SH3BGRL2: variants seen among roughly 807,000 people sequenced by gnomAD.
The protein encoded by SH3BGRL2 is SH3 domain binding glutamate rich protein like 2, also known as SH3 domain-binding glutamic acid-rich-like protein 2.
In SH3BGRL2, 21 loss-of-function variants were observed where a neutral mutation model predicts 14.8. The observed-to-expected ratio is 1.42, with a 90% CI of 1.01 to 2.05. SH3BGRL2 has a LOEUF of 2.05. Ranked by LOEUF, SH3BGRL2 falls within the 30% of genes most tolerant of loss-of-function variation. The pLI is 0.00. For synonymous variants in SH3BGRL2, 50 were observed against 47.8 expected, an observed-to-expected ratio of 1.05 and a Z score of -0.19; for missense variants, 147 against 130.8, an observed-to-expected ratio of 1.12 and a Z score of -0.61.
At chr6:79,551,999 A>C in the SH3BGRL2 span, among the ~76,000 whole-genome samples, 2 of 152,142 alleles carry the variant, frequency 1.3e-5, no homozygotes, top group African/African-American at 4.8e-5. Context: ...GCTGAGGCAC[A>C]AAATCGCTTG....
At chr6:79,553,392 G>C in the SH3BGRL2 span, among the ~76,000 whole-genome samples, 1 of 152,170 alleles carries the variant, frequency 6.6e-6, no homozygotes, top group Non-Finnish European at 1.5e-5. Context: ...CAGATAACTG[G>C]ATATAGAAGA....
At chr6:79,601,456 A>G in the SH3BGRL2 span, among the ~76,000 whole-genome samples, 4,831 of 152,304 alleles carry the variant, frequency 0.032, 134 homozygotes, top group Non-Finnish European at 0.049. Flanking sequence ...TTAGCCTCCC[A>G]AAGTGCTGTG....
At chr6:79,685,742 A>G (rs1021375422) in intron 2 of SH3BGRL2, among the ~76,000 whole-genome samples, 1 of 152,140 alleles carries the variant, frequency 6.6e-6, no homozygotes, top group Admixed American at 6.5e-5. Flanking sequence ...GTGAGCAGCC[A>G]TAGATAGAGG....
At position 79,696,482 on chromosome 6, in the gene SH3BGRL2, T is replaced by C. The variant is rs1770334431; in HGVS notation, c.232-3T>C. 2 of 1,569,136 alleles carry C rather than the reference T, an allele frequency of 1.3e-6. No homozygotes were observed. Among genetic ancestry groups the C allele is most frequent in the Non-Finnish European group, 1.7e-6 (2 of 1,166,000 alleles). ...TTTATTTTCTGCTTCCCTTTTTTTC[T>C]AGGATTATGACAGTTTTTTTGAATC... is the stretch of plus-strand genomic sequence containing the variant. On this transcript the variant is annotated splice_region_variant and splice_polypyrimidine_tract_variant and intron_variant, in intron 2 of 3. Transcript: ENST00000369838.
the SH3BGRL2 span, among the ~76,000 whole-genome samples, chr6:79,603,589 C>T: frequency 1.3e-5 from 2 of 152,278 alleles, no homozygotes; most frequent in Middle Eastern, 3.4e-3. Context: ...ATATCACTCA[C>T]TAGAAGTAGA....
chr6:79,673,753 G>T lies in SH3BGRL2; in HGVS notation c.185G>T (p.Gly62Val), dbSNP rs374034369. Residue 62 changes from glycine to valine, a missense_variant, in exon 2 of 4, where the codon GGC (glycine) becomes GTC (valine). Coordinates refer to ENST00000369838, the MANE Select transcript of SH3BGRL2 (RefSeq NM_031469.4). ...CCCCCGGAAAAGAAACCCACTCAGG[G>T]CAACCCCCTGCCACCTCAGATATTT... ...NVPPEKKPTQ[G>V]NPLPPQIFNG... is the part of the protein sequence containing the mutation. 4 of 1,613,970 alleles carry T rather than the reference G, an allele frequency of 2.5e-6. No individual in the cohort carries two copies. The African/African-American group carries it at 5.3e-5, about 22-fold the overall frequency.
chr6:79,548,259 G>C, the SH3BGRL2 span, among the ~76,000 whole-genome samples: 2 of 151,730 alleles, frequency 1.3e-5, no homozygotes, highest in African/African-American at 2.4e-5. Context: ...ATTTATAGTA[G>C]GTTTATATTT....
In SH3BGRL2 at chr6:79,644,113, G is replaced by T. The variant is rs138382206; in HGVS notation, c.45+12607G>T. ...ATGGGGACAAATGGTTGCTGTGGAG[G>T]TGTGCGCCCTCATCCTTTACATCTT... On this transcript the variant is annotated intron_variant, in intron 1 of 3. Transcript: ENST00000369838. Among the ~76,000 whole-genome samples the T allele has an allele frequency of 1.1e-4, 16 of 152,308 alleles. No individual in the cohort carries two copies. The East Asian group carries it at 3.1e-3, about 29-fold the overall frequency.
chr6:79,555,786 G>A, the SH3BGRL2 span, among the ~76,000 whole-genome samples: 21 of 152,180 alleles, frequency 1.4e-4, no homozygotes, highest in African/African-American at 5.1e-4. Flanking sequence ...GGGATTACAG[G>A]CGTGAGCCAC....
At chr6:79,660,826 T>C (rs1256393402) in intron 1 of SH3BGRL2, among the ~76,000 whole-genome samples, 1 of 152,224 alleles carries the variant, frequency 6.6e-6, no homozygotes, top group Non-Finnish European at 1.5e-5. Context: ...AACCTGTTAT[T>C]GGTCTATTCA....
At chr6:79,566,159 C>T in the SH3BGRL2 span, among the ~76,000 whole-genome samples, 1 of 152,208 alleles carries the variant, frequency 6.6e-6, no homozygotes, top group Non-Finnish European at 1.5e-5. Context: ...CGGTGTTCAA[C>T]ATTCTTCTCC....
the SH3BGRL2 span, among the ~76,000 whole-genome samples, chr6:79,578,877 C>A: frequency 6.6e-6 from 1 of 152,014 alleles, no homozygotes; most frequent in South Asian, 2.1e-4. Flanking sequence ...ATGTTCAAAC[C>A]CATTGAAAGG....
intron 1 of SH3BGRL2, among the ~76,000 whole-genome samples, chr6:79,667,037 C>T (rs1582728052): frequency 2.0e-5 from 3 of 152,216 alleles, no homozygotes; most frequent in East Asian, 1.9e-4. Context: ...TCCAGTGAAC[C>T]TATGGAAAAA....
At chr6:79,583,666 G>T in the SH3BGRL2 span, among the ~76,000 whole-genome samples, 17 of 152,246 alleles carry the variant, frequency 1.1e-4, no homozygotes, top group African/African-American at 3.9e-4. Context: ...AGCATTAGGA[G>T]AAATACCTAA....
chr6:79,657,194 A>T (rs1356262757), intron 1 of SH3BGRL2, among the ~76,000 whole-genome samples: 1 of 152,154 alleles, frequency 6.6e-6, no homozygotes, highest in East Asian at 1.9e-4. Context: ...AATGAGGAGT[A>T]TAAAATTCTG....
In SH3BGRL2 at chr6:79,699,463, CTTTTTTTTTTTTTTT is replaced by C. The variant is rs35728679; in HGVS notation, c.313-19_313-5del. The C allele has an allele frequency of 1.1e-5, 10 of 880,978 alleles. No individual in the cohort carries two copies. The African/African-American group carries it at 1.7e-4, about 15-fold the overall frequency. The allele number at this position is 880,978 out of a possible 1,614,324, so 54.6% of individuals were successfully genotyped here. A position where few individuals can be genotyped will look rare whatever the true frequency, so the allele number is the denominator to read the frequency against. On this transcript the variant is annotated intron_variant, in intron 3 of 3. Coordinates refer to ENST00000369838, the MANE Select transcript of SH3BGRL2 (RefSeq NM_031469.4). ...CTTGTCGATGTAATGCAATAACTGACTTTTTTTTTTTTTTTTTTTTTTTTTTTTTTATAGGCAGAA... is the reference window on the plus strand; with the variant it reads ...CTTGTCGATGTAATGCAATAACTGACTTTTTTTTTTTTTTTATAGGCAGAA...
chr6:79,689,239 C>A (rs1770161516), intron 2 of SH3BGRL2, among the ~76,000 whole-genome samples: 4 of 151,974 alleles, frequency 2.6e-5, no homozygotes, highest in South Asian at 4.1e-4. Flanking sequence ...ATAAAAATTT[C>A]TATTCTTTTG....
chr6:79,561,708 T>G, the SH3BGRL2 span: 1 of 152,226 alleles, frequency 6.6e-6, no homozygotes. Context: ...AAATTGCCCT[T>G]TGCACACCTC....
intron 3 of SH3BGRL2, 32 bp from the exon 4 acceptor site, chr6:79,699,462 ACTTT>A: frequency 6.1e-6 from 6 of 982,456 alleles, no homozygotes; most frequent in Non-Finnish European, 5.4e-6. Context: ...GCAATAACTG[ACTTT>A]TTTTTTTTTT....
Sources: allele counts gnomAD v4.1 joint callset (sites outside exome capture counted in the v4.1 genomes callset), GRCh38; gene constraint gnomAD v4.1.1; transcripts MANE v1.5; gene names NCBI Gene and HGNC (gene_info 2026-07-23, HGNC 2026-07-21).